Variants in RAB40B observed in about 807,000 individuals in gnomAD.
RAB40B encodes ras-related protein Rab-40B.
In RAB40B, 21 loss-of-function variants were observed where a neutral mutation model predicts 24.0. The ratio of observed to expected loss-of-function variants is 0.88; its 90% CI spans 0.62 to 1.26. The LOEUF is 1.26. Among genes scored for constraint, RAB40B ranks in the 50% most tolerant of loss-of-function variants. The probability of loss-of-function intolerance (pLI) is 0.00; values close to 1 mark genes in which losing one functional copy is unlikely to be tolerated. For synonymous variants in RAB40B, 167 were observed against 169.8 expected (o/e 0.98, Z 0.13); for missense variants, 348 against 390.5 (o/e 0.89, Z 0.92).
In RAB40B at chr17:82,657,743, A is replaced by G; in HGVS notation, c.*120T>C. On this transcript the variant is annotated 3_prime_UTR_variant, in exon 6 of 6. Coordinates refer to ENST00000571995, the MANE Select transcript of RAB40B (RefSeq NM_006822.3). The stretch of plus-strand genomic sequence containing the variant: ...GTTTCCATCACACGGAAGGCGTCGC[A>G]CACATTCGCAAGCAGCATTCGCCGA... 1 of 1,201,738 alleles carries G rather than the reference A, an allele frequency of 8.3e-7. No individual in the cohort carries two copies. The highest frequency in any genetic ancestry group is 1.2e-5 in the South Asian group (1 of 82,586). 74.4% of individuals were successfully genotyped at this position (1,201,738 alleles called of 1,614,324 possible).
Position 82,656,723 on chromosome 17 carries a change from A to G in RAB40B, c.*1140T>C, listed in dbSNP as rs1484531458. ...TGAAGTAAAGGGCTATAAGAAATAC[A>G]CAAAATCTGGCCGGGCGCAGTGGCT... On this transcript the variant is annotated 3_prime_UTR_variant, in exon 6 of 6. Transcript: ENST00000571995. 6.6e-6 allele frequency: 1 copy of G among 152,352 alleles called. No homozygotes were observed. Among genetic ancestry groups the G allele is most frequent in the Non-Finnish European group, 1.5e-5 (1 of 68,160 alleles). 9.4% of individuals were successfully genotyped at this position (152,352 alleles called of 1,614,324 possible).
At chr17:82,686,670 G>A (rs2046505537) in intron 1 of RAB40B, among the ~76,000 whole-genome samples, 2 of 152,332 alleles carry the variant, frequency 1.3e-5, no homozygotes, top group Admixed American at 1.3e-4. Flanking sequence ...AGGGAGCGTG[G>A]CCCAGGCAAC....
intron 2 of RAB40B, chr17:82,662,531 AGGGCAGGTGG>A (rs1354801773): frequency 1.0e-6 from 1 of 985,042 alleles, no homozygotes; most frequent in Non-Finnish European, 1.2e-6. Context: ...GAGGGAGGTG[AGGGCAGGTGG>A]GGGCAGGCAG....
intron 1 of RAB40B, among the ~76,000 whole-genome samples, chr17:82,690,890 G>C (rs968127697): frequency 1.3e-5 from 2 of 152,206 alleles, no homozygotes; most frequent in Non-Finnish European, 2.9e-5. Context: ...TTTGCCCCGG[G>C]GGAGCATGGA....
intron 1 of RAB40B, among the ~76,000 whole-genome samples, chr17:82,680,052 C>T (rs1424563673): frequency 2.0e-5 from 3 of 152,262 alleles, no homozygotes; most frequent in Non-Finnish European, 2.9e-5. Context: ...TGGGGCTGGA[C>T]ATCTTGTGAC....
intron 1 of RAB40B, among the ~76,000 whole-genome samples, chr17:82,694,093 A>T (rs1263134446): frequency 2.0e-5 from 3 of 151,286 alleles, no homozygotes; most frequent in Non-Finnish European, 1.5e-5. Flanking sequence ...AAAAAAAAAA[A>T]AAAAAAAAAG....
At position 82,658,097 on chromosome 17, in the gene RAB40B, C is replaced by CTCG; in HGVS notation, c.602_603insCGA (p.Val201_Ser202insGlu). On this transcript the variant is annotated inframe_insertion, in exon 6 of 6. Transcript: ENST00000571995. ...CCACCAGGTGCACCGGCGTGCAGGA[C>CTCG]ACGACCGCCCGGCAGCAGAGGTCTT... 6.2e-7 allele frequency: 1 copy of CTCG among 1,614,168 alleles called. No homozygotes were observed. Among genetic ancestry groups the CTCG allele is most frequent in the Non-Finnish European group, 8.5e-7 (1 of 1,180,028 alleles).
intron 1 of RAB40B, chr17:82,696,245 G>C (rs1412383516): frequency 6.6e-6 from 1 of 152,184 alleles, no homozygotes; most frequent in Non-Finnish European, 1.5e-5. Flanking sequence ...TTGGACCATT[G>C]TTTTGGTTCG....
rs2046566237 is a variant in RAB40B at position 82,692,274 on chromosome 17, G to T, written c.142+6181C>A. On this transcript the variant is annotated intron_variant, in intron 1 of 5. Coordinates refer to ENST00000571995, the MANE Select transcript of RAB40B (RefSeq NM_006822.3). The surrounding 1 kb of genome is among the most constrained non-coding windows in gnomAD (Gnocchi z 4.0). ...CAGGCAGAGCAGTGGGGTCCACATA[G>T]TCTGTGGAGTCAAGTTGCCGACAGG... Among the ~76,000 whole-genome samples the T allele has an allele frequency of 6.6e-6, 1 of 152,152 alleles. No homozygotes were observed. The highest frequency in any genetic ancestry group is 2.1e-4 in the South Asian group (1 of 4,822).
rs917428551 is a variant in RAB40B at position 82,663,842 on chromosome 17, C to T, written c.203+654G>A. On this transcript the variant is annotated intron_variant, in intron 2 of 5. Transcript: ENST00000571995. This position sits in a 1 kb window ranked among gnomAD's most constrained non-coding sequence, Gnocchi z 6.2. ...GGCCACAGGTTCTGATCCCAAAAGCCGATTCCCAGCCACAGCGCTATGTCC... is the reference window on the plus strand; with the variant it reads ...GGCCACAGGTTCTGATCCCAAAAGCTGATTCCCAGCCACAGCGCTATGTCC... 2.4e-4 allele frequency among the ~76,000 whole-genome samples: 36 copies of T among 152,194 alleles called. No individual in the cohort carries two copies. The highest frequency in any genetic ancestry group is 2.9e-4 in the Non-Finnish European group (20 of 68,022).
intron 3 of RAB40B, among the ~76,000 whole-genome samples, chr17:82,660,532 G>A (rs62079720): frequency 3.9e-4 from 57 of 147,548 alleles, no homozygotes; most frequent in Non-Finnish European, 1.5e-4. Context: ...TGCATACACA[G>A]TGCACATACC....
intron 1 of RAB40B, chr17:82,668,136 C>T (rs999054141): frequency 6.5e-6 from 1 of 154,320 alleles, no homozygotes; most frequent in Non-Finnish European, 1.5e-5. Flanking sequence ...GCAGGCAGGT[C>T]GTCCTGACAA....
intron 2 of RAB40B, 28 bp downstream of exon 2, chr17:82,664,468 G>A (rs2279392): frequency 0.29 from 462,197 of 1,608,050 alleles, 67,538 homozygotes; most frequent in East Asian, 0.36. Flanking sequence ...CTGGGGGTGC[G>A]GGACGCTCGC....
chr17:82,668,659 C>A (rs568830501), intron 1 of RAB40B, among the ~76,000 whole-genome samples: 1 of 152,372 alleles, frequency 6.6e-6, no homozygotes, highest in East Asian at 1.9e-4. Context: ...ACGACTGGAG[C>A]GGGCGTGGGG....
rs184223014 is a variant in RAB40B at position 82,656,278 on chromosome 17, A to G, written c.*1585T>C. 2 of 152,238 alleles carry G rather than the reference A, an allele frequency of 1.3e-5. No individual in the cohort carries two copies. The highest frequency in any genetic ancestry group is 1.3e-4 in the Admixed American group (2 of 15,276). The allele number at this position is 152,238 out of a possible 1,614,324, so 9.4% of individuals were successfully genotyped here. ...TTAAGTTTCTAAGAATCTACAGATCATCAGCAGGAACTAGGAACATCTGGG... is the reference window on the plus strand; with the variant it reads ...TTAAGTTTCTAAGAATCTACAGATCGTCAGCAGGAACTAGGAACATCTGGG... On this transcript the variant is annotated 3_prime_UTR_variant, in exon 6 of 6. Transcript: ENST00000571995.
rs1236963699 is a variant in RAB40B, at chr17:82,697,877, C to G, written c.142+578G>C. Among the ~76,000 whole-genome samples the G allele has an allele frequency of 1.3e-5, 2 of 152,202 alleles. No individual in the cohort carries two copies. Among genetic ancestry groups the G allele is most frequent in the African/African-American group, 4.8e-5 (2 of 41,462 alleles). On this transcript the variant is annotated intron_variant, in intron 1 of 5. Coordinates refer to ENST00000571995, the MANE Select transcript of RAB40B (RefSeq NM_006822.3). The surrounding 1 kb of genome is among the most constrained non-coding windows in gnomAD (Gnocchi z 4.9). Reference sequence around the variant, plus strand: ...CTTCCGCACGCGAGTCACCTGTGCTCCTTCCTCTCCCCCGGACACGCGGGA... The same window carrying G: ...CTTCCGCACGCGAGTCACCTGTGCTGCTTCCTCTCCCCCGGACACGCGGGA...
chr17:82,686,749 G>T (rs2046506251), intron 1 of RAB40B, among the ~76,000 whole-genome samples: 1 of 152,214 alleles, frequency 6.6e-6, no homozygotes, highest in Non-Finnish European at 1.5e-5. Flanking sequence ...TTGTCCAAAA[G>T]CCCCTTCACT....
intron 2 of RAB40B, among the ~76,000 whole-genome samples, chr17:82,664,155 A>AT (rs1469954330): frequency 1.1e-4 from 1 of 9,008 alleles, no homozygotes; most frequent in Admixed American, 1.3e-3. Context: ...TGGTGGTGGG[A>AT]GGGTGTTCCC....
chr17:82,663,799 A>G lies in RAB40B; in HGVS notation c.203+697T>C, dbSNP rs577247019. ...CACGCTGCATCGGTCCCCTCTTGGC[A>G]TCTTCCCACAGACACCAGGCCACAG... On this transcript the variant is annotated intron_variant, in intron 2 of 5. Coordinates refer to ENST00000571995, the MANE Select transcript of RAB40B (RefSeq NM_006822.3). The surrounding 1 kb of genome is among the most constrained non-coding windows in gnomAD (Gnocchi z 6.2). 1.2e-3 allele frequency among the ~76,000 whole-genome samples: 178 copies of G among 152,232 alleles called. 1 individual carries two copies. Among genetic ancestry groups the G allele is most frequent in the Admixed American group, 2.2e-3 (33 of 15,298 alleles).
Sources: gnomAD v4.1 joint callset for allele counts (sites outside exome capture counted in the v4.1 genomes callset) on GRCh38, gnomAD v4.1.1 for gene constraint, Gnocchi (gnomAD v3.1) non-coding constraint, MANE v1.5 for transcripts, NCBI Gene and HGNC (gene_info 2026-07-23, HGNC 2026-07-21) for gene names.